Variants in ACADS observed in about 807,000 individuals in gnomAD.
The protein encoded by ACADS is short-chain specific acyl-CoA dehydrogenase, mitochondrial.
A neutral mutation model predicts 46.8 loss-of-function variants in ACADS; 28 were observed. The ratio of observed to expected loss-of-function variants is 0.60; its 90% CI spans 0.44 to 0.82. The LOEUF (loss-of-function observed/expected upper bound fraction) is 0.82. Ranked by LOEUF, ACADS falls within the 40% of genes least tolerant of loss-of-function variation. The pLI is 0.00. For missense variants in ACADS, 528 were observed against 578.0 expected, an observed-to-expected ratio of 0.91 and a Z score of 0.89; for synonymous variants, 236 against 237.7, an observed-to-expected ratio of 0.99 and a Z score of 0.07.
intron 5 of ACADS, 85 bp from the exon 6 acceptor site, chr12:120,738,195 A>T: frequency 6.2e-7 from 1 of 1,603,570 alleles, no homozygotes; most frequent in Non-Finnish European, 8.5e-7. Context: ...GGAGGTGGGG[A>T]GGGGACCGGG....
Position 120,728,900 on chromosome 12 carries a change from G to T in ACADS, c.210+1711G>T, listed in dbSNP as rs1477747237. Among the ~76,000 whole-genome samples, 1 of 152,254 alleles carries T rather than the reference G, an allele frequency of 6.6e-6. No individual in the cohort carries two copies. The highest frequency in any genetic ancestry group is 1.5e-5 in the Non-Finnish European group (1 of 68,052). On this transcript the variant is annotated intron_variant, in intron 2 of 9. Coordinates refer to ENST00000242592, the MANE Select transcript of ACADS (RefSeq NM_000017.4). This position sits in a 1 kb window ranked among gnomAD's most constrained non-coding sequence, Gnocchi z 4.0. ...GATATGAAGGCAGCAGGTGCTGCAG[G>T]CTTGCCTTGTCTGTCACTGCTGGGA...
At chr12:120,732,130 T>C (rs1036493977) in intron 2 of ACADS, among the ~76,000 whole-genome samples, 5 of 152,264 alleles carry the variant, frequency 3.3e-5, no homozygotes, top group South Asian at 2.1e-4. Context: ...CATCATGGCC[T>C]GTTCTCAATG....
Position 120,734,671 on chromosome 12 carries a change from C to T in ACADS, c.211-2315C>T, listed in dbSNP as rs981718485. Among the ~76,000 whole-genome samples the T allele has an allele frequency of 1.1e-4, 17 of 151,758 alleles. 1 individual carries two copies. Among genetic ancestry groups the T allele is most frequent in the Non-Finnish European group, 1.0e-4 (7 of 67,994 alleles). ...GTGCCTCTAATCAGCATGAGGGAGG[C>T]TGAGGCAAGAGGATCACTCGAGCCA... On this transcript the variant is annotated intron_variant, in intron 2 of 9. Transcript: ENST00000242592.
intron 2 of ACADS, among the ~76,000 whole-genome samples, chr12:120,727,791 C>T (rs1395400273): frequency 6.6e-6 from 1 of 152,112 alleles, no homozygotes; most frequent in East Asian, 1.9e-4. Flanking sequence ...CCACCTCGGC[C>T]TCCCAAAGTG....
chr12:120,739,259 G>C, intron 9 of ACADS, 37 bp from the exon 10 acceptor site: 1 of 1,612,980 alleles, frequency 6.2e-7, no homozygotes, highest in Non-Finnish European at 8.5e-7. Flanking sequence ...CCCCACGCCG[G>C]GGTCTTCTCC....
chr12:120,737,221 G>T, intron 3 of ACADS, 86 bp downstream of exon 3: 1 of 1,539,138 alleles, frequency 6.5e-7, no homozygotes, highest in Non-Finnish European at 8.8e-7. Context: ...TCCCAGCCCT[G>T]ATCTCTCTGG....
chr12:120,726,369 A>G (rs527794193), intron 1 of ACADS, among the ~76,000 whole-genome samples: 1 of 152,292 alleles, frequency 6.6e-6, no homozygotes, highest in African/African-American at 2.4e-5. Context: ...ATCATAGGGT[A>G]TGTAAAGCAC....
At chr12:120,737,779 G>A in intron 4 of ACADS, 58 bp from the exon 5 acceptor site, 1 of 1,608,764 alleles carries the variant, frequency 6.2e-7, no homozygotes, top group Non-Finnish European at 8.5e-7. Context: ...GAGTGAGGCT[G>A]GTGCCCTTAG....
In ACADS at chr12:120,728,775, G is replaced by A. The variant is rs143983437; in HGVS notation, c.210+1586G>A. Among the ~76,000 whole-genome samples, 172 of 152,202 alleles carry A rather than the reference G, an allele frequency of 1.1e-3. 1 individual carries two copies. The highest frequency in any genetic ancestry group is 4.0e-3 in the African/African-American group (168 of 41,538). ...ACCCGCCTCGGCCTCGCAAAGTGCT[G>A]GGATTACAGGCGTGAGCCACCACAC... On this transcript the variant is annotated intron_variant, in intron 2 of 9. Coordinates refer to ENST00000242592, the MANE Select transcript of ACADS (RefSeq NM_000017.4). This position sits in a 1 kb window ranked among gnomAD's most constrained non-coding sequence, Gnocchi z 4.0.
At chr12:120,732,536 C>T (rs34491494) in intron 2 of ACADS, among the ~76,000 whole-genome samples, 65,363 of 148,912 alleles carry the variant, frequency 0.44, 15,953 homozygotes, top group African/African-American at 0.68. Context: ...CTCCTCACCT[C>T]CCAGACGGGG....
Position 120,726,142 on chromosome 12 carries a change from G to T in ACADS, c.46+211G>T, listed in dbSNP as rs113621156. ...GTTCCTGCACAGACCCCTACCCCCCGATTGACCCCAGCCACCAGCCCAGTT... is the reference window on the plus strand; with the variant it reads ...GTTCCTGCACAGACCCCTACCCCCCTATTGACCCCAGCCACCAGCCCAGTT... On this transcript the variant is annotated intron_variant, in intron 1 of 9. Transcript: ENST00000242592. Among the ~76,000 whole-genome samples the T allele has an allele frequency of 3.0e-3, 452 of 150,890 alleles. 2 individuals carry two copies. The highest frequency in any genetic ancestry group is 4.7e-3 in the Non-Finnish European group (317 of 67,786).
At chr12:120,726,999 T>C (rs1252602450) in intron 1 of ACADS, 27 bp from the exon 2 acceptor site, 1 of 1,613,678 alleles carries the variant, frequency 6.2e-7, no homozygotes, top group African/African-American at 1.3e-5. Context: ...GCCTCCTCCT[T>C]CCACTCACTT....
chr12:120,739,350 C>T lies in ACADS; in HGVS notation c.1141C>T (p.His381Tyr), dbSNP rs1219162519. The T allele has an allele frequency of 6.2e-7, 1 of 1,613,008 alleles. No individual in the cohort carries two copies. Among genetic ancestry groups the T allele is most frequent in the South Asian group, 1.1e-5 (1 of 91,084 alleles). Residue 381 changes from histidine (H) to tyrosine (Y), a missense_variant, in exon 10 of 10, where the codon CAC becomes TAC. Coordinates refer to ENST00000242592, the MANE Select transcript of ACADS (RefSeq NM_000017.4). ...CGTGACAGAGATGCCGGCAGAGCGGCACTACCGCGACGCCCGCATCACTGA... is the reference window on the plus strand; with the variant it reads ...CGTGACAGAGATGCCGGCAGAGCGGTACTACCGCGACGCCCGCATCACTGA... Reference protein sequence around the residue: ...GYVTEMPAERHYRDARITEIY... With the variant: ...GYVTEMPAERYYRDARITEIY...
At chr12:120,726,475 C>T (rs1210033005) in intron 1 of ACADS, among the ~76,000 whole-genome samples, 1 of 152,212 alleles carries the variant, frequency 6.6e-6, no homozygotes, top group East Asian at 1.9e-4. Context: ...TTGTAGCAGC[C>T]GTGACACATA....
chr12:120,733,426 A>C (rs904767012), intron 2 of ACADS, among the ~76,000 whole-genome samples: 3 of 152,102 alleles, frequency 2.0e-5, no homozygotes, highest in African/African-American at 7.2e-5. Flanking sequence ...GGGCTAGAAA[A>C]GTGTTCTGTT....
At chr12:120,735,392 G>C (rs961327603) in intron 2 of ACADS, among the ~76,000 whole-genome samples, 4 of 139,942 alleles carry the variant, frequency 2.9e-5, no homozygotes, top group Non-Finnish European at 6.1e-5. Context: ...GCAGCCACTT[G>C]ATGATAGATG....
intron 2 of ACADS, among the ~76,000 whole-genome samples, chr12:120,727,568 C>G (rs189842628): frequency 2.3e-4 from 35 of 152,322 alleles, no homozygotes; most frequent in African/African-American, 8.2e-4. Context: ...CGGAGTTTCA[C>G]TCTTGTGGCT....
At position 120,737,830 on chromosome 12, in the gene ACADS, T is replaced by C. The variant is rs754901042; in HGVS notation, c.473-7T>C. 13 of 1,613,702 alleles carry C rather than the reference T, an allele frequency of 8.1e-6. No homozygotes were observed. Among genetic ancestry groups the C allele is most frequent in the Admixed American group, 3.3e-5 (2 of 60,006 alleles). On this transcript the variant is annotated splice_region_variant and splice_polypyrimidine_tract_variant and intron_variant, in intron 4 of 9. Transcript: ENST00000242592. ...GCGTGCGCTGAGCCCTGGGTCTGTGTGGGCAGGGAACGGCAGTGATGCAGG... is the reference window on the plus strand; with the variant it reads ...GCGTGCGCTGAGCCCTGGGTCTGTGCGGGCAGGGAACGGCAGTGATGCAGG...
In ACADS at chr12:120,739,758, C is replaced by G. The variant is rs116733542; in HGVS notation, c.*310C>G. The G allele has an allele frequency of 0.011, 4,678 of 425,800 alleles. 185 individuals carry two copies. The highest frequency in any genetic ancestry group is 0.086 in the African/African-American group (4,289 of 49,890). The allele number at this position is 425,800 out of a possible 1,614,324, so 26.4% of individuals were successfully genotyped here. ...ACACCTCAGTTGTCCTCCCGCGGGCCCTGGTGCCCTGGCATGAAGGCCCAG... is the reference window on the plus strand; with the variant it reads ...ACACCTCAGTTGTCCTCCCGCGGGCGCTGGTGCCCTGGCATGAAGGCCCAG... On this transcript the variant is annotated 3_prime_UTR_variant, in exon 10 of 10. Coordinates refer to ENST00000242592, the MANE Select transcript of ACADS (RefSeq NM_000017.4).
Sources: allele counts gnomAD v4.1 joint callset (sites outside exome capture counted in the v4.1 genomes callset), GRCh38; gene constraint gnomAD v4.1.1; non-coding constraint Gnocchi (gnomAD v3.1); transcripts MANE v1.5; gene names NCBI Gene and HGNC (gene_info 2026-07-23, HGNC 2026-07-21).